AEN: variants seen among roughly 807,000 people sequenced by gnomAD.
AEN encodes the protein apoptosis enhancing nuclease, also known as apoptosis-enhancing nuclease.
In AEN, 21 loss-of-function variants were observed where a neutral mutation model predicts 17.7. That is an observed-to-expected ratio of 1.19 (90% CI 0.84 to 1.71). The LOEUF (loss-of-function observed/expected upper bound fraction) is 1.71. Ranked by LOEUF, AEN falls within the 40% of genes most tolerant of loss-of-function variation. The pLI is 0.00. For missense variants in AEN, 462 were observed against 435.9 expected, an observed-to-expected ratio of 1.06 and a Z score of -0.53; for synonymous variants, 190 against 173.0, an observed-to-expected ratio of 1.10 and a Z score of -0.77.
At chr15:88,623,629 A>G (rs775956230) in intron 1 of AEN, among the ~76,000 whole-genome samples, 16 of 152,160 alleles carry the variant, frequency 1.1e-4, no homozygotes, top group Non-Finnish European at 2.1e-4. Context: ...GTGCTATAAG[A>G]GCTCAGCACA....
intron 1 of AEN, among the ~76,000 whole-genome samples, chr15:88,622,892 T>C (rs1293068350): frequency 6.6e-6 from 1 of 152,220 alleles, no homozygotes; most frequent in Non-Finnish European, 1.5e-5. Flanking sequence ...CTCTCTTCTC[T>C]TAAGCAAGGT....
At chr15:88,608,640 C>G in the AEN span, among the ~76,000 whole-genome samples, 1 of 152,336 alleles carries the variant, frequency 6.6e-6, no homozygotes, top group South Asian at 2.1e-4. Flanking sequence ...CTACTCAGCT[C>G]TCAGCTTTGG....
chr15:88,618,091 C>T (rs952119647), upstream of AEN, among the ~76,000 whole-genome samples: 4 of 152,160 alleles, frequency 2.6e-5, no homozygotes, highest in Non-Finnish European at 4.4e-5. Context: ...CCCTTTTTGC[C>T]TACCCCTTGA....
chr15:88,607,529 G>C, the AEN span, among the ~76,000 whole-genome samples: 1 of 152,228 alleles, frequency 6.6e-6, no homozygotes, highest in Non-Finnish European at 1.5e-5. Flanking sequence ...TAAGTGCCAT[G>C]AACGTTCTCT....
At chr15:88,626,125 G>A in intron 1 of AEN, 21 bp from the exon 2 acceptor site, 2 of 1,439,632 alleles carry the variant, frequency 1.4e-6, no homozygotes, top group Non-Finnish European at 1.8e-6. Context: ...CAGCCCCTCT[G>A]CCTGTGTGTT....
the AEN span, among the ~76,000 whole-genome samples, chr15:88,613,107 G>A: frequency 1.3e-5 from 2 of 152,152 alleles, no homozygotes; most frequent in African/African-American, 4.8e-5. Flanking sequence ...TTGGGGGTTG[G>A]GGATCGTACT....
chr15:88,604,726 T>A, the AEN span: 1 of 152,082 alleles, frequency 6.6e-6, no homozygotes, highest in Non-Finnish European at 1.5e-5. The surrounding 1 kb of genome is among the most constrained non-coding windows in gnomAD (Gnocchi z 8.1). Flanking sequence ...ATGCCAGGAC[T>A]ACGGACCCGG....
At position 88,630,069 on chromosome 15, in the gene AEN, C is replaced by G. The variant is rs762964951; in HGVS notation, c.753C>G (p.His251Gln). ...LLHKKIQVGQ[H>Q]GHSSVEDATT... ...GCTCTCGTCAGTAGGTGGGCCAGCA[C>G]GGGCACTCATCAGTAGAAGATGCCA... is the stretch of plus-strand genomic sequence containing the variant. The change falls in exon 4 of 4, where the codon CAC becomes CAG. Residue 251 changes from histidine (H) to glutamine (Q), a missense_variant. By Grantham distance (24) the His-to-Gln change is conservative. Coordinates refer to ENST00000332810, the MANE Select transcript of AEN (RefSeq NM_022767.4). The surrounding 1 kb of genome is among the most constrained non-coding windows in gnomAD (Gnocchi z 5.1). The G allele has an allele frequency of 4.3e-6, 7 of 1,613,836 alleles. No homozygotes were observed. The highest frequency in any genetic ancestry group is 1.3e-5 in the African/African-American group (1 of 74,910).
chr15:88,629,473 TC>T (rs546897062), intron 3 of AEN, 47 bp downstream of exon 3: 35 of 1,592,368 alleles, frequency 2.2e-5, no homozygotes, highest in Non-Finnish European at 2.9e-5. Context: ...CCGCCTGGCC[TC>T]CATGCCACCT....
chr15:88,606,202 C>T, the AEN span, among the ~76,000 whole-genome samples: 5 of 152,280 alleles, frequency 3.3e-5, no homozygotes, highest in Admixed American at 3.3e-4. Context: ...CTGCGCTCCC[C>T]CGTGCTCCCT....
intron 1 of AEN, among the ~76,000 whole-genome samples, chr15:88,624,365 G>T (rs562870430): frequency 2.0e-5 from 3 of 152,312 alleles, no homozygotes; most frequent in African/African-American, 7.2e-5. Context: ...AAAGGGCAGT[G>T]AGTCCAGGCG....
At chr15:88,617,291 T>C (rs931664889), upstream of AEN, among the ~76,000 whole-genome samples, 1 of 152,318 alleles carries the variant, frequency 6.6e-6, no homozygotes, top group African/African-American at 2.4e-5. Context: ...TCTTGCACTG[T>C]TGCCCAGGCT....
At chr15:88,610,447 G>A in the AEN span, among the ~76,000 whole-genome samples, 1 of 152,050 alleles carries the variant, frequency 6.6e-6, no homozygotes, top group Non-Finnish European at 1.5e-5. Flanking sequence ...GGGGTAGACT[G>A]AAGAGGGTCA....
chr15:88,614,718 A>C, the AEN span, among the ~76,000 whole-genome samples: 7 of 152,220 alleles, frequency 4.6e-5, no homozygotes, highest in East Asian at 5.8e-4. Context: ...TGGAAGCTTT[A>C]GGTAACTCCA....
At chr15:88,628,921 G>A in intron 2 of AEN, 1 of 319,408 alleles carries the variant, frequency 3.1e-6, no homozygotes, top group South Asian at 3.9e-5. Context: ...CTTGTATCTG[G>A]TAACAGGAAG....
chr15:88,614,692 A>G, the AEN span, among the ~76,000 whole-genome samples: 340 of 152,220 alleles, frequency 2.2e-3, no homozygotes, highest in African/African-American at 8.1e-3. Flanking sequence ...ATGAGCAGAG[A>G]GGCAGCGTCC....
At chr15:88,626,872 C>T (rs535156666) in intron 2 of AEN, 123 bp downstream of exon 2, 3 of 1,063,894 alleles carry the variant, frequency 2.8e-6, no homozygotes, top group East Asian at 2.6e-5. Context: ...CTAACTGCTC[C>T]AAACAGTAGG....
At chr15:88,615,727 C>CAGGTAAATGCCCATGCTGCTGGGCT in the AEN span, among the ~76,000 whole-genome samples, 1 of 152,116 alleles carries the variant, frequency 6.6e-6, no homozygotes, top group African/African-American at 2.4e-5. Context: ...AACAAACTCC[C>CAGGTAAATGCCCATGCTGCTGGGCT]AGGTAAATGC....
At chr15:88,614,319 C>T in the AEN span, among the ~76,000 whole-genome samples, 1 of 152,046 alleles carries the variant, frequency 6.6e-6, no homozygotes, top group African/African-American at 2.4e-5. Context: ...CCTCCCTCAG[C>T]CTCCCGATCA....
Sources: gnomAD v4.1 joint callset for allele counts (sites outside exome capture counted in the v4.1 genomes callset) on GRCh38, gnomAD v4.1.1 for gene constraint, Gnocchi (gnomAD v3.1) non-coding constraint, MANE v1.5 for transcripts, NCBI Gene and HGNC (gene_info 2026-07-23, HGNC 2026-07-21) for gene names.